MGAT4C: variants seen among roughly 807,000 people sequenced by gnomAD.
MGAT4C encodes MGAT4 family member C, also known as alpha-1,3-mannosyl-glycoprotein 4-beta-N-acetylglucosaminyltransferase C.
In MGAT4C, 19 loss-of-function variants were observed where a neutral mutation model predicts 40.1. The ratio of observed to expected loss-of-function variants is 0.47; its 90% confidence interval spans 0.33 to 0.70. The LOEUF (loss-of-function observed/expected upper bound fraction) is 0.70, where lower values mean the gene tolerates loss of function less well. MGAT4C is among the 30% of genes least tolerant of loss of function. The pLI, the probability that MGAT4C is intolerant of heterozygous loss-of-function variation, is 0.02. For missense variants in MGAT4C, 491 were observed against 563.2 expected (o/e 0.87, Z 1.30); for synonymous variants, 181 against 187.1 (o/e 0.97, Z 0.27).
chr12:86,782,017 G>A (rs1951849848), intron 1 of MGAT4C, among the ~76,000 whole-genome samples: 1 of 151,674 alleles, frequency 6.6e-6, no homozygotes, highest in African/African-American at 2.4e-5. Context: ...TTTTGAGATG[G>A]CGTCTCGTTC....
intron 2 of MGAT4C, among the ~76,000 whole-genome samples, chr12:86,654,660 G>T (rs1201624195): frequency 6.6e-6 from 1 of 150,880 alleles, no homozygotes; most frequent in African/African-American, 2.4e-5. Context: ...AAAAGTCCCA[G>T]AATCTCAACA....
At chr12:86,042,563 A>G (rs1294930600) in intron 2 of MGAT4C, among the ~76,000 whole-genome samples, 2 of 152,114 alleles carry the variant, frequency 1.3e-5, no homozygotes, top group East Asian at 3.9e-4. Context: ...TCCTTTGCTT[A>G]TGAAGATTAG....
chr12:86,269,877 G>T (rs977059256), intron 4 of MGAT4C, among the ~76,000 whole-genome samples: 5 of 152,048 alleles, frequency 3.3e-5, no homozygotes, highest in African/African-American at 1.2e-4. Context: ...GTATCCATAT[G>T]AATTGTAGTT....
chr12:86,239,288 G>T (rs181870850), intron 1 of MGAT4C, among the ~76,000 whole-genome samples: 2 of 152,092 alleles, frequency 1.3e-5, no homozygotes, highest in Admixed American at 1.3e-4. Flanking sequence ...ATTTAGGAAA[G>T]CTCGTGGAGG....
chr12:86,773,713 ATATG>A (rs1951678729), intron 1 of MGAT4C, among the ~76,000 whole-genome samples: 1 of 151,890 alleles, frequency 6.6e-6, no homozygotes, highest in South Asian at 2.1e-4. Flanking sequence ...GACAAGTGAT[ATATG>A]TATGTGTGTG....
At chr12:86,523,250 T>G (rs1175246773) in intron 2 of MGAT4C, among the ~76,000 whole-genome samples, 1 of 152,104 alleles carries the variant, frequency 6.6e-6, no homozygotes, top group Non-Finnish European at 1.5e-5. Context: ...TCCCTCTTAA[T>G]ACTGCCTTTG....
chr12:86,289,232 T>C (rs1321851455), intron 4 of MGAT4C, among the ~76,000 whole-genome samples: 2 of 152,138 alleles, frequency 1.3e-5, no homozygotes, highest in African/African-American at 4.8e-5. Context: ...CATGGCATTA[T>C]TTCTGGGCTC....
In MGAT4C at chr12:86,034,628, G is replaced by A. The variant is rs1040866991; in HGVS notation, c.-7+15046C>T. Among the ~76,000 whole-genome samples the A allele has an allele frequency of 8.1e-5, 12 of 148,454 alleles. 1 individual carries two copies. ...AAGTTCTGGAGTACATGTGCAGAAAGTGCAGGTTCATTGAATAGGTATACA... is the reference window on the plus strand; with the variant it reads ...AAGTTCTGGAGTACATGTGCAGAAAATGCAGGTTCATTGAATAGGTATACA... On this transcript the variant is annotated intron_variant, in intron 2 of 4. Coordinates refer to ENST00000611864, the MANE Select transcript of MGAT4C (RefSeq NM_001351288.2).
At chr12:86,801,314 TA>T (rs916481701) in intron 1 of MGAT4C, among the ~76,000 whole-genome samples, 6 of 151,694 alleles carry the variant, frequency 4.0e-5, no homozygotes, top group African/African-American at 1.5e-4. Flanking sequence ...TTTTAAGTAA[TA>T]AAAAAGGGAG....
intron 1 of MGAT4C, among the ~76,000 whole-genome samples, chr12:86,147,409 T>C (rs550956839): frequency 3.2e-4 from 48 of 152,130 alleles, no homozygotes; most frequent in African/African-American, 1.1e-3. Flanking sequence ...GCCCAGCTAA[T>C]TTTTTGTATT....
intron 2 of MGAT4C, among the ~76,000 whole-genome samples, chr12:86,666,435 G>A (rs1964108602): frequency 6.6e-6 from 1 of 151,076 alleles, no homozygotes; most frequent in East Asian, 2.0e-4. Flanking sequence ...AAAATTCTAT[G>A]TGTCCACAAC....
intron 3 of MGAT4C, among the ~76,000 whole-genome samples, chr12:86,400,620 C>A (rs926989310): frequency 1.3e-5 from 2 of 152,152 alleles, no homozygotes; most frequent in African/African-American, 2.4e-5. Context: ...TTCATATAAA[C>A]TTGAATGTAA....
intron 1 of MGAT4C, among the ~76,000 whole-genome samples, chr12:86,804,824 T>A (rs1352107209): frequency 6.6e-6 from 1 of 151,980 alleles, no homozygotes; most frequent in Non-Finnish European, 1.5e-5. Context: ...ATTTTGAGAA[T>A]AAATTCACAA....
chr12:86,463,111 G>C (rs1024153926), intron 2 of MGAT4C, among the ~76,000 whole-genome samples: 1 of 152,016 alleles, frequency 6.6e-6, no homozygotes, highest in Non-Finnish European at 1.5e-5. Context: ...CCTACATCTG[G>C]AGCCCAGCCG....
At chr12:86,659,200 A>G (rs931041381) in intron 2 of MGAT4C, among the ~76,000 whole-genome samples, 2 of 151,830 alleles carry the variant, frequency 1.3e-5, no homozygotes, top group African/African-American at 2.4e-5. Flanking sequence ...ATATTTATAT[A>G]TTTATTATCT....
intron 1 of MGAT4C, among the ~76,000 whole-genome samples, chr12:86,792,927 A>G (rs1037683164): frequency 6.6e-6 from 1 of 152,134 alleles, no homozygotes; most frequent in Non-Finnish European, 1.5e-5. Context: ...TGAAAAAACA[A>G]AACAAAAGAA....
At chr12:85,996,626 A>G (rs564098925) in intron 2 of MGAT4C, among the ~76,000 whole-genome samples, 91 of 152,326 alleles carry the variant, frequency 6.0e-4, no homozygotes, top group African/African-American at 2.0e-3. Context: ...TAATCAAAGG[A>G]AAGCTGGACT....
At chr12:86,492,085 G>A (rs969393588) in intron 2 of MGAT4C, among the ~76,000 whole-genome samples, 6 of 152,128 alleles carry the variant, frequency 3.9e-5, no homozygotes, top group East Asian at 1.9e-4. Context: ...AATCCAACTT[G>A]CAAGGGATGT....
At chr12:86,254,668 A>G (rs995236180) in intron 1 of MGAT4C, among the ~76,000 whole-genome samples, 1 of 152,002 alleles carries the variant, frequency 6.6e-6, no homozygotes, top group Non-Finnish European at 1.5e-5. Context: ...ATTATCCAAA[A>G]CTTTTAGATT....
Sources: allele counts gnomAD v4.1 joint callset (sites outside exome capture counted in the v4.1 genomes callset), GRCh38; gene constraint gnomAD v4.1.1; transcripts MANE v1.5; gene names NCBI Gene and HGNC (gene_info 2026-07-23, HGNC 2026-07-21).